ZCCHC7: variants seen among roughly 807,000 people sequenced by gnomAD.
The protein encoded by ZCCHC7 is zinc finger CCHC domain-containing protein 7.
Under a neutral mutation model 52.0 loss-of-function variants are expected in ZCCHC7, and 35 were observed. The observed-to-expected ratio is 0.67, with a 90% CI of 0.51 to 0.89. The LOEUF (loss-of-function observed/expected upper bound fraction) is 0.89, where lower values mean the gene tolerates loss of function less well. Among genes scored for constraint, ZCCHC7 ranks in the 40% least tolerant of loss-of-function variants. The pLI is 0.00. For missense variants in ZCCHC7, 574 were observed against 649.1 expected (o/e 0.88, Z 1.26); for synonymous variants, 217 against 221.5 (o/e 0.98, Z 0.18).
intron 2 of ZCCHC7, among the ~76,000 whole-genome samples, chr9:37,266,810 G>C (rs1336076438): frequency 6.6e-6 from 1 of 152,154 alleles, no homozygotes; most frequent in African/African-American, 2.4e-5. Flanking sequence ...GATGATCAAG[G>C]CTGTAGTGAG....
chr9:37,306,663 C>A, intron 5 of ZCCHC7, among the ~76,000 whole-genome samples: 1 of 147,376 alleles, frequency 6.8e-6, no homozygotes, highest in South Asian at 2.2e-4. Context: ...CGGGGTTTCA[C>A]CACGTTGGCC....
At chr9:37,310,676 C>T (rs192734016) in intron 5 of ZCCHC7, among the ~76,000 whole-genome samples, 3 of 152,112 alleles carry the variant, frequency 2.0e-5, no homozygotes, top group Non-Finnish European at 4.4e-5. Context: ...ATCTCCTACT[C>T]GGAGGATCTC....
chr9:37,159,546 G>A (rs1372665159), intron 2 of ZCCHC7, among the ~76,000 whole-genome samples: 1 of 152,154 alleles, frequency 6.6e-6, no homozygotes, highest in Non-Finnish European at 1.5e-5. Flanking sequence ...TTGTTGGGGT[G>A]GAACTTGGTC....
At chr9:37,241,332 A>G (rs1315138822) in intron 2 of ZCCHC7, among the ~76,000 whole-genome samples, 1 of 151,844 alleles carries the variant, frequency 6.6e-6, no homozygotes, top group African/African-American at 2.4e-5. Flanking sequence ...ATTCTTCTAC[A>G]TTAGTGCTAG....
At chr9:37,239,118 T>C (rs1301194856) in intron 2 of ZCCHC7, among the ~76,000 whole-genome samples, 1 of 152,184 alleles carries the variant, frequency 6.6e-6, no homozygotes, top group East Asian at 1.9e-4. Flanking sequence ...GTTCCCTTAC[T>C]TACACATAAA....
chr9:37,326,965 G>A (rs1262739962), intron 5 of ZCCHC7: 2 of 152,068 alleles, frequency 1.3e-5, no homozygotes, highest in Non-Finnish European at 2.9e-5. Context: ...CTCCTGAGAA[G>A]ATGGTAAACT....
chr9:37,273,593 A>G (rs1019273876), intron 2 of ZCCHC7, among the ~76,000 whole-genome samples: 1 of 152,218 alleles, frequency 6.6e-6, no homozygotes, highest in Non-Finnish European at 1.5e-5. Flanking sequence ...AGCAAGGGTA[A>G]TCATCAACTG....
intron 2 of ZCCHC7, among the ~76,000 whole-genome samples, chr9:37,291,524 C>T (rs1042897608): frequency 3.3e-5 from 5 of 152,014 alleles, no homozygotes; most frequent in African/African-American, 1.2e-4. Context: ...CATCTGGTTT[C>T]TATCAAATGG....
intron 6 of ZCCHC7, 64 bp from the exon 7 acceptor site, chr9:37,349,293 G>A: frequency 6.5e-7 from 1 of 1,537,130 alleles, no homozygotes; most frequent in Non-Finnish European, 8.9e-7. Context: ...AAGCTCTTTT[G>A]GAAAGAATGA....
chr9:37,222,193 C>T (rs1036586548), intron 2 of ZCCHC7, among the ~76,000 whole-genome samples: 2 of 151,030 alleles, frequency 1.3e-5, no homozygotes, highest in Non-Finnish European at 2.9e-5. Flanking sequence ...TGAAAAATTA[C>T]TGGGAGATTG....
intron 5 of ZCCHC7, among the ~76,000 whole-genome samples, chr9:37,307,136 G>A (rs999966007): frequency 3.3e-5 from 5 of 151,962 alleles, no homozygotes; most frequent in Non-Finnish European, 7.4e-5. Context: ...AGGAAAGAAG[G>A]ACAAGGCAGC....
chr9:37,308,328 A>G (rs1829428509), intron 5 of ZCCHC7, among the ~76,000 whole-genome samples: 1 of 151,498 alleles, frequency 6.6e-6, no homozygotes, highest in South Asian at 2.1e-4. Flanking sequence ...TTTGGCAGTT[A>G]TCTTTAATAG....
chr9:37,225,243 A>G (rs1327029518), intron 2 of ZCCHC7, among the ~76,000 whole-genome samples: 1 of 152,180 alleles, frequency 6.6e-6, no homozygotes, highest in African/African-American at 2.4e-5. Context: ...AAATTCCTTG[A>G]AAGTTAAAAT....
At chr9:37,352,479 C>T (rs1469284134) in intron 7 of ZCCHC7, among the ~76,000 whole-genome samples, 5 of 149,222 alleles carry the variant, frequency 3.4e-5, no homozygotes, top group Non-Finnish European at 7.4e-5. Context: ...TGTATCAAGA[C>T]CTCTGTTACC....
At chr9:37,351,827 A>C (rs1196015625) in intron 7 of ZCCHC7, among the ~76,000 whole-genome samples, 1 of 152,208 alleles carries the variant, frequency 6.6e-6, no homozygotes, top group Non-Finnish European at 1.5e-5. Flanking sequence ...TTAAAGAAAA[A>C]CAATTATAGT....
intron 6 of ZCCHC7, among the ~76,000 whole-genome samples, chr9:37,342,489 G>A (rs1237984714): frequency 2.0e-5 from 3 of 152,232 alleles, no homozygotes. Context: ...TTAGATGAGA[G>A]CAGATTCAAT....
chr9:37,152,601 C>A (rs1469570199), intron 2 of ZCCHC7, among the ~76,000 whole-genome samples: 3 of 152,008 alleles, frequency 2.0e-5, no homozygotes, highest in African/African-American at 7.3e-5. Context: ...TATAGAATGT[C>A]CCCAAATTAG....
At chr9:37,212,050 A>G (rs1824260579) in intron 2 of ZCCHC7, among the ~76,000 whole-genome samples, 1 of 127,236 alleles carries the variant, frequency 7.9e-6, no homozygotes, top group African/African-American at 2.9e-5. Context: ...AAAAAAAAAA[A>G]AAAAAAAAAA....
chr9:37,306,923 G>C (rs1000038246), intron 5 of ZCCHC7, among the ~76,000 whole-genome samples: 4 of 151,002 alleles, frequency 2.6e-5, no homozygotes, highest in Admixed American at 2.6e-4. Context: ...AAGTAGCTGG[G>C]ATTACAGGCG....
Sources: allele counts gnomAD v4.1 joint callset (sites outside exome capture counted in the v4.1 genomes callset), GRCh38; gene constraint gnomAD v4.1.1; transcripts MANE v1.5; gene names NCBI Gene and HGNC (gene_info 2026-07-23, HGNC 2026-07-21).